Variants in PLEKHD1 observed in about 807,000 individuals in gnomAD.
The protein encoded by PLEKHD1 is pleckstrin homology and coiled-coil domain containing D1, also known as pleckstrin homology domain-containing family D member 1.
In PLEKHD1, 51 loss-of-function variants were observed where a neutral mutation model predicts 69.2. The observed-to-expected ratio is 0.74, with a 90% CI of 0.59 to 0.93. The LOEUF (loss-of-function observed/expected upper bound fraction) is 0.93. PLEKHD1 is among the 40% of genes least tolerant of loss of function. PLEKHD1 has a pLI of 0.00. For missense variants in PLEKHD1, 584 were observed against 641.0 expected (o/e 0.91, Z 0.96); for synonymous variants, 236 against 244.7 (o/e 0.96, Z 0.33).
intron 5 of PLEKHD1, 146 bp from the exon 6 acceptor site, chr14:69,502,681 C>A (rs1883056483): frequency 1.0e-5 from 10 of 962,518 alleles, no homozygotes; most frequent in Non-Finnish European, 1.4e-5. Flanking sequence ...CAGGAGCTGG[C>A]CCACCCTCTG....
intron 2 of PLEKHD1, 137 bp from the exon 3 acceptor site, chr14:69,500,440 C>A: frequency 1.4e-6 from 1 of 734,384 alleles, no homozygotes; most frequent in Non-Finnish European, 2.2e-6. Context: ...TCAGTTCTGG[C>A]CTCTGTCCCA....
At chr14:69,481,594 A>G (rs1217441807), upstream of PLEKHD1, among the ~76,000 whole-genome samples, 2 of 152,206 alleles carry the variant, frequency 1.3e-5, no homozygotes, top group African/African-American at 4.8e-5. Flanking sequence ...TCCCTCATTC[A>G]ACACATATTT....
chr14:69,478,375 A>G, the PLEKHD1 span, among the ~76,000 whole-genome samples: 4 of 152,084 alleles, frequency 2.6e-5, no homozygotes, highest in Non-Finnish European at 5.9e-5. Flanking sequence ...CATTTTCCCC[A>G]TTGTCTTGGG....
At chr14:69,503,690 C>CAAAAAA (rs1164078389) in intron 6 of PLEKHD1, 3 of 45,976 alleles carry the variant, frequency 6.5e-5, no homozygotes, top group East Asian at 5.6e-4. Context: ...GACTCCGTCT[C>CAAAAAA]AAAAAAAAAA....
chr14:69,495,568 T>C (rs907297879), intron 1 of PLEKHD1, among the ~76,000 whole-genome samples: 2 of 152,198 alleles, frequency 1.3e-5, no homozygotes, highest in Admixed American at 1.3e-4. Flanking sequence ...AGTAACTGCT[T>C]GGAATGAGGT....
At chr14:69,479,065 G>A in the PLEKHD1 span, among the ~76,000 whole-genome samples, 1 of 152,230 alleles carries the variant, frequency 6.6e-6, no homozygotes, top group African/African-American at 2.4e-5. Context: ...GTTCCATGTG[G>A]CTGGGGAGAC....
rs902100431 is a variant in PLEKHD1, at chr14:69,528,514, T to A, written c.*95T>A. On this transcript the variant is annotated 3_prime_UTR_variant, in exon 13 of 13. Transcript: ENST00000322564. Reference sequence around the variant, plus strand: ...GGCCTCACTCTACCAGCTCCTGGCCTCTCTGGTCTGGAGCCTATGTCTCCT... The same window carrying A: ...GGCCTCACTCTACCAGCTCCTGGCCACTCTGGTCTGGAGCCTATGTCTCCT... 13 of 1,422,568 alleles carry A rather than the reference T, an allele frequency of 9.1e-6. No individual in the cohort carries two copies. The African/African-American group carries it at 1.7e-4, about 19-fold the overall frequency. 88.1% of individuals were successfully genotyped at this position (1,422,568 alleles called of 1,614,324 possible). A position where few individuals can be genotyped will look rare whatever the true frequency, so the allele number is the denominator to read the frequency against.
rs1012717727 is a variant in PLEKHD1, at chr14:69,500,998, C to T, written c.410+51C>T. On this transcript the variant is annotated intron_variant, in intron 4 of 12. Coordinates refer to ENST00000322564, the MANE Select transcript of PLEKHD1 (RefSeq NM_001161498.2). ...GCCTGCAGATCCAGGATGGGGTGGG[C>T]GGGGCTGCCCCTGAACTCCCTGCCT... 3.1e-5 allele frequency: 47 copies of T among 1,526,550 alleles called. 1 individual carries two copies. Among genetic ancestry groups the T allele is most frequent in the South Asian group, 4.8e-5 (4 of 83,510 alleles). 94.6% of individuals were successfully genotyped at this position (1,526,550 alleles called of 1,614,324 possible).
At chr14:69,480,359 C>T (rs2139484178), upstream of PLEKHD1, among the ~76,000 whole-genome samples, 3 of 152,316 alleles carry the variant, frequency 2.0e-5, no homozygotes, top group South Asian at 6.2e-4. Flanking sequence ...CAGACAGATG[C>T]CGGTGCTGAA....
At chr14:69,469,449 G>A in the PLEKHD1 span, among the ~76,000 whole-genome samples, 13 of 150,894 alleles carry the variant, frequency 8.6e-5, no homozygotes, top group South Asian at 2.5e-3. Context: ...TCGCTCTATC[G>A]CCCAGGCTGG....
chr14:69,481,371 A>G (rs888056928), upstream of PLEKHD1, among the ~76,000 whole-genome samples: 2 of 152,246 alleles, frequency 1.3e-5, no homozygotes, highest in African/African-American at 4.8e-5. Context: ...CCCTGAGCAC[A>G]GCTAAAATTC....
At chr14:69,501,108 C>A in intron 4 of PLEKHD1, 161 bp downstream of exon 4, 1 of 719,248 alleles carries the variant, frequency 1.4e-6, no homozygotes, top group Non-Finnish European at 2.3e-6. Flanking sequence ...GGTTTTAGAG[C>A]ATCTGTGAGG....
intron 6 of PLEKHD1, among the ~76,000 whole-genome samples, chr14:69,518,996 G>A (rs1467840184): frequency 6.6e-6 from 1 of 152,014 alleles, no homozygotes; most frequent in Non-Finnish European, 1.5e-5. Context: ...CTGAGGAGAG[G>A]GGCTTCAGGA....
At chr14:69,494,438 T>G (rs1882843541) in intron 1 of PLEKHD1, among the ~76,000 whole-genome samples, 2 of 152,128 alleles carry the variant, frequency 1.3e-5, no homozygotes, top group African/African-American at 4.8e-5. Context: ...TAGGGACTAT[T>G]GACCATGGGT....
chr14:69,494,658 G>T (rs190828885), intron 1 of PLEKHD1, among the ~76,000 whole-genome samples: 61 of 152,342 alleles, frequency 4.0e-4, no homozygotes, highest in African/African-American at 1.4e-3. Context: ...CCCTTGGGCC[G>T]TCTCTAGCCA....
At chr14:69,469,262 C>A in the PLEKHD1 span, among the ~76,000 whole-genome samples, 2 of 152,108 alleles carry the variant, frequency 1.3e-5, no homozygotes, top group Non-Finnish European at 2.9e-5. Flanking sequence ...CAGAAAAGAT[C>A]ATTATTTTTG....
At chr14:69,518,684 G>T (rs963283129) in intron 6 of PLEKHD1, among the ~76,000 whole-genome samples, 1 of 152,168 alleles carries the variant, frequency 6.6e-6, no homozygotes, top group African/African-American at 2.4e-5. Context: ...GAATTCTTTG[G>T]CTTGGAGGAG....
intron 1 of PLEKHD1, among the ~76,000 whole-genome samples, chr14:69,494,055 AAGG>A (rs1882834028): frequency 6.6e-6 from 1 of 152,224 alleles, no homozygotes; most frequent in Non-Finnish European, 1.5e-5. Flanking sequence ...ACAAATGGAA[AAGG>A]AGGTCAGGGG....
intron 6 of PLEKHD1, among the ~76,000 whole-genome samples, chr14:69,512,314 T>C (rs1286318467): frequency 1.3e-5 from 2 of 152,138 alleles, no homozygotes; most frequent in African/African-American, 4.8e-5. Context: ...GTCTTATGAA[T>C]TTTATTTATC....
Sources: allele counts gnomAD v4.1 joint callset (sites outside exome capture counted in the v4.1 genomes callset), GRCh38; gene constraint gnomAD v4.1.1; transcripts MANE v1.5; gene names NCBI Gene and HGNC (gene_info 2026-07-23, HGNC 2026-07-21).